Variants in GAA observed in about 807,000 individuals in gnomAD.
GAA encodes the protein alpha glucosidase.
GAA carries 88 observed loss-of-function variants against 103.9 expected under a neutral mutation model. The ratio of observed to expected loss-of-function variants is 0.85; its 90% CI spans 0.71 to 1.01. The LOEUF (loss-of-function observed/expected upper bound fraction) is 1.01. Among genes scored for constraint, GAA ranks in the 50% least tolerant of loss-of-function variants. The pLI is 0.00. For synonymous variants in GAA, 572 were observed against 563.1 expected (o/e 1.02, Z -0.22); for missense variants, 1,350 against 1,305.3 (o/e 1.03, Z -0.53).
chr17:80,117,463 A>G (rs962531734), intron 16 of GAA, 137 bp from the exon 17 acceptor site: 81 of 1,026,518 alleles, frequency 7.9e-5, no homozygotes, highest in Non-Finnish European at 1.2e-4. Context: ...TCTGCGCCTG[A>G]AGTCACAGTT....
At position 80,103,080 on chromosome 17, in the gene GAA, G is replaced by T. The variant is rs12602593; in HGVS notation, c.-33+1190G>T. On this transcript the variant is annotated intron_variant, in intron 1 of 19. Transcript: ENST00000302262. ...GGCCCACGGTGGAACACCACGTCCGGCCGGGGGCAGAGCGTTCCCAGCCAA... is the reference window on the plus strand; with the variant it reads ...GGCCCACGGTGGAACACCACGTCCGTCCGGGGGCAGAGCGTTCCCAGCCAA... 0.084 allele frequency among the ~76,000 whole-genome samples: 12,820 copies of T among 152,270 alleles called. 748 individuals are homozygous for T. The highest frequency in any genetic ancestry group is 0.25 in the East Asian group (1,319 of 5,178).
At chr17:80,102,158 C>T (rs1371009753) in intron 1 of GAA, 1 of 151,718 alleles carries the variant, frequency 6.6e-6, no homozygotes, top group African/African-American at 2.4e-5. Flanking sequence ...GGCCGGGACC[C>T]GAGCCACCTC....
intron 15 of GAA, among the ~76,000 whole-genome samples, chr17:80,113,950 G>A (rs2039307190): frequency 6.6e-6 from 1 of 151,908 alleles, no homozygotes; most frequent in South Asian, 2.1e-4. Flanking sequence ...CCTGGGAGGA[G>A]GAGATTGCAG....
In GAA at chr17:80,119,291, C is replaced by T. The variant is rs1343332597; in HGVS notation, c.2819C>T (p.Ser940Leu). The change falls in exon 20 of 20, where the codon TCG becomes TTG. Residue 940 changes from serine (S) to leucine (L), a missense_variant. Coordinates refer to ENST00000302262, the MANE Select transcript of GAA (RefSeq NM_000152.5). ...PDTKVLDICV[S>L]LLMGEQFLVS... Reference sequence around the variant, plus strand: ...TTCCAGGTCCTGGACATCTGTGTCTCGCTGTTGATGGGAGAGCAGTTTCTC... The same window carrying T: ...TTCCAGGTCCTGGACATCTGTGTCTTGCTGTTGATGGGAGAGCAGTTTCTC... 1.9e-5 allele frequency: 30 copies of T among 1,613,924 alleles called. No homozygotes were observed. The highest frequency in any genetic ancestry group is 3.3e-5 in the Admixed American group (2 of 60,000).
In GAA at chr17:80,110,058, A is replaced by G. The variant is rs2143867314; in HGVS notation, c.1437+3A>G. On this transcript the variant is annotated splice_donor_region_variant and intron_variant, in intron 9 of 19. Coordinates refer to ENST00000302262, the MANE Select transcript of GAA (RefSeq NM_000152.5). ...CCGGCCAGCCGCTGATTGGGAAGGT[A>G]GGGCGAGGGTCCAGGGGACGGGGGT... The G allele has an allele frequency of 4.3e-6, 7 of 1,611,438 alleles. No individual in the cohort carries two copies. The highest frequency in any genetic ancestry group is 4.5e-5 in the East Asian group (2 of 44,846).
rs754195673 is a variant in GAA, at chr17:80,105,011, G to A, written c.425G>A (p.Ser142Asn). 8 of 1,612,842 alleles carry A rather than the reference G, an allele frequency of 5.0e-6. No homozygotes were observed. The highest frequency in any genetic ancestry group is 2.2e-5 in the East Asian group (1 of 44,882). The change falls in exon 2 of 20, where the codon AGC becomes AAC. Residue 142 changes from serine to asparagine, a missense_variant. Coordinates refer to ENST00000302262, the MANE Select transcript of GAA (RefSeq NM_000152.5). The part of the protein sequence containing the change: ...SYPSYKLENL[S>N]SSEMGYTATL... ...CCCAGCTACAAGCTGGAGAACCTGA[G>A]CTCCTCTGAAATGGGCTACACGGCC...
intron 5 of GAA, 147 bp from the exon 6 acceptor site, chr17:80,108,143 C>A: frequency 7.0e-7 from 1 of 1,426,460 alleles, no homozygotes; most frequent in Non-Finnish European, 9.8e-7. Flanking sequence ...CCTCCTGAGT[C>A]AGGCTTAGCA....
In GAA at chr17:80,105,054, C is replaced by T. The variant is rs145849611; in HGVS notation, c.468C>T (p.Thr156=). The T allele has an allele frequency of 6.2e-7, 1 of 1,612,792 alleles. No homozygotes were observed. The highest frequency in any genetic ancestry group is 1.3e-5 in the African/African-American group (1 of 74,928). The part of the protein sequence containing the change: ...MGYTATLTRT[T]PTFFPKDILT... ...ACACGGCCACCCTGACCCGTACCAC[C>T]CCCACCTTCTTCCCCAAGGACATCC... The change falls in exon 2 of 20, where the codon ACC becomes ACT. Residue 156 remains threonine, a synonymous_variant. Transcript: ENST00000302262.
intron 15 of GAA, among the ~76,000 whole-genome samples, chr17:80,115,131 G>A (rs1014995363): frequency 2.0e-5 from 3 of 151,940 alleles, no homozygotes; most frequent in South Asian, 2.1e-4. Context: ...AAACTTGGGC[G>A]GTTTTTCAGC....
chr17:80,112,976 G>T lies in GAA; in HGVS notation c.1989G>T (p.Gln663His), dbSNP rs1189531783. ...TSEELCVRWT[Q>H]LGAFYPFMRN... Reference sequence around the variant, plus strand: ...AGGAGCTGTGTGTGCGCTGGACCCAGCTGGGGGCCTTCTACCCCTTCATGC... The same window carrying T: ...AGGAGCTGTGTGTGCGCTGGACCCATCTGGGGGCCTTCTACCCCTTCATGC... The change falls in exon 14 of 20, where the codon CAG (glutamine) becomes CAT (histidine). Residue 663 changes from glutamine (Q) to histidine (H), a missense_variant. Coordinates refer to ENST00000302262, the MANE Select transcript of GAA (RefSeq NM_000152.5). The T allele has an allele frequency of 1.2e-6, 2 of 1,610,756 alleles. No homozygotes were observed.
At chr17:80,117,242 GC>G in intron 16 of GAA, 133 bp downstream of exon 16, 1 of 956,748 alleles carries the variant, frequency 1.0e-6, no homozygotes, top group East Asian at 2.6e-5. Context: ...CATGTGCCAG[GC>G]CCCCACCCGG....
rs773479616 is a variant in GAA at position 80,104,684 on chromosome 17, A to G, written c.98A>G (p.His33Arg). The G allele has an allele frequency of 5.0e-6, 8 of 1,613,200 alleles. No homozygotes were observed. The highest frequency in any genetic ancestry group is 1.1e-5 in the South Asian group (1 of 91,058). The stretch of plus-strand genomic sequence containing the variant: ...GCACTCCTGGGGCACATCCTACTCC[A>G]TGATTTCCTGCTGGTTCCCCGAGAG... Reference protein sequence around the residue: ...TAALLGHILLHDFLLVPRELS... With the variant: ...TAALLGHILLRDFLLVPRELS... The change falls in exon 2 of 20, where the codon CAT (histidine) becomes CGT (arginine). Residue 33 changes from histidine (H) to arginine (R), a missense_variant. Transcript: ENST00000302262. This position sits in a 1 kb window ranked among gnomAD's most constrained non-coding sequence, Gnocchi z 4.0.
chr17:80,119,538 A>C lies in GAA; in HGVS notation c.*207A>C, dbSNP rs2039437892. The C allele has an allele frequency of 3.3e-6, 2 of 602,872 alleles. No individual in the cohort carries two copies. Among genetic ancestry groups the C allele is most frequent in the Non-Finnish European group, 6.0e-6 (2 of 331,554 alleles). The allele number at this position is 602,872 out of a possible 1,614,324, so 37.3% of individuals were successfully genotyped here. On this transcript the variant is annotated 3_prime_UTR_variant, in exon 20 of 20. Coordinates refer to ENST00000302262, the MANE Select transcript of GAA (RefSeq NM_000152.5). ...ACGTGTCTAGGAGAGCTTTCTCCCTAGATCGCACTGTGGGCCGGGGCCCTG... is the reference window on the plus strand; with the variant it reads ...ACGTGTCTAGGAGAGCTTTCTCCCTCGATCGCACTGTGGGCCGGGGCCCTG...
At chr17:80,118,524 T>C (rs2039410609) in intron 18 of GAA, 129 bp from the exon 19 acceptor site, 1 of 1,384,482 alleles carries the variant, frequency 7.2e-7, no homozygotes, top group African/African-American at 1.4e-5. Context: ...CTCTGCCCTT[T>C]CGTGTACACA....
In GAA at chr17:80,107,800, C is replaced by T. The variant is rs369735511; in HGVS notation, c.859C>T (p.Pro287Ser). 8 of 1,611,402 alleles carry T rather than the reference C, an allele frequency of 5.0e-6. No homozygotes were observed. The African/African-American group carries it at 6.7e-5, about 13-fold the overall frequency. Residue 287 changes from proline (P) to serine (S), a missense_variant and splice_region_variant, in exon 5 of 20, where the codon CCC (proline) becomes TCC (serine). Physicochemically the swap from Pro to Ser is moderately conservative, Grantham distance 74 (BLOSUM62 -1). Transcript: ENST00000302262. ...AAGCGCCGTCTCCTGCATGTCCCAG[C>T]CCGGTGCGAACCTCTACGGGTCTCA... ...TLWNRDLAPTPGANLYGSHPF... is the reference protein window; with the variant it reads ...TLWNRDLAPTSGANLYGSHPF...
At chr17:80,109,480 C>G (rs548720887) in intron 8 of GAA, among the ~76,000 whole-genome samples, 1 of 152,204 alleles carries the variant, frequency 6.6e-6, no homozygotes, top group Non-Finnish European at 1.5e-5. Flanking sequence ...CTGAAAAGAT[C>G]CAACAGTTCC....
rs539889090 is a variant in GAA, at chr17:80,118,588, C to G, written c.2647-65C>G. On this transcript the variant is annotated intron_variant, in intron 18 of 19. Coordinates refer to ENST00000302262, the MANE Select transcript of GAA (RefSeq NM_000152.5). The stretch of plus-strand genomic sequence containing the variant: ...TGAGTCCCTGTTCTCATGGGTGTTC[C>G]TGCCCCAGCTGTCTGCTGACACCTC... 1.2e-4 allele frequency: 188 copies of G among 1,589,542 alleles called. 1 individual carries two copies. The highest frequency in any genetic ancestry group is 8.2e-4 in the Middle Eastern group (5 of 6,066).
chr17:80,111,147 G>T (rs1401872637), intron 11 of GAA, 122 bp downstream of exon 11: 6 of 941,954 alleles, frequency 6.4e-6, no homozygotes, highest in East Asian at 5.3e-5. Flanking sequence ...AGGGGCGGGG[G>T]GGGGATCCCC....
intron 15 of GAA, among the ~76,000 whole-genome samples, chr17:80,113,944 G>A (rs1454874385): frequency 1.3e-5 from 2 of 151,888 alleles, no homozygotes; most frequent in African/African-American, 4.8e-5. Flanking sequence ...CTTGAACCTG[G>A]GAGGAGGAGA....
Sources: allele counts gnomAD v4.1 joint callset (sites outside exome capture counted in the v4.1 genomes callset), GRCh38; gene constraint gnomAD v4.1.1; non-coding constraint Gnocchi (gnomAD v3.1); transcripts MANE v1.5; gene names NCBI Gene and HGNC (gene_info 2026-07-23, HGNC 2026-07-21).